Variants in COL17A1 observed in about 807,000 individuals in gnomAD.
The protein encoded by COL17A1 is collagen type XVII alpha 1 chain, also known as collagen alpha-1(XVII) chain.
Under a neutral mutation model 218.4 loss-of-function variants are expected in COL17A1, and 181 were observed. The ratio of observed to expected loss-of-function variants is 0.83; its 90% confidence interval spans 0.73 to 0.94. The LOEUF is 0.94. Among genes scored for constraint, COL17A1 ranks in the 40% least tolerant of loss-of-function variants. COL17A1 has a pLI of 0.00. For synonymous variants in COL17A1, 721 were observed against 731.0 expected (o/e 0.99, Z 0.22); for missense variants, 1,924 against 1,945.9 (o/e 0.99, Z 0.21).
intron 13 of COL17A1, among the ~76,000 whole-genome samples, chr10:104,061,157 G>A (rs922928132): frequency 1.3e-5 from 2 of 152,200 alleles, no homozygotes; most frequent in Non-Finnish European, 2.9e-5. Context: ...CCCTAGGCAG[G>A]TATGGAGGGT....
intron 17 of COL17A1, 125 bp from the exon 18 acceptor site, chr10:104,056,128 C>T (rs1169697650): frequency 2.6e-6 from 3 of 1,153,386 alleles, no homozygotes; most frequent in African/African-American, 1.5e-5. Context: ...TGCTAGAATA[C>T]TCATGCAGAG....
intron 23 of COL17A1, 36 bp from the exon 24 acceptor site, chr10:104,052,253 G>C (rs548070728): frequency 6.2e-7 from 1 of 1,613,754 alleles, no homozygotes; most frequent in South Asian, 1.1e-5. Flanking sequence ...CTTTGGGAGA[G>C]GCCCCAGTGT....
intron 24 of COL17A1, among the ~76,000 whole-genome samples, 199 bp downstream of exon 24, chr10:104,051,956 C>A (rs2134608699): frequency 6.6e-6 from 1 of 152,278 alleles, no homozygotes; most frequent in East Asian, 1.9e-4. Context: ...CATTATGGGG[C>A]TAAACTTACA....
In COL17A1 at chr10:104,060,243, G is replaced by A. The variant is rs763725483; in HGVS notation, c.1017C>T (p.His339=). The change falls in exon 14 of 56, where the codon CAC becomes CAT. Residue 339 remains histidine, a synonymous_variant. Coordinates refer to ENST00000648076, the MANE Select transcript of COL17A1 (RefSeq NM_000494.4). ...TTSVQSDDLL[H]KDCKFLILEK... ...CTAGGATCAGGAACTTGCAGTCCTT[G>A]TGCAAAAGGTCATCGCTCTGCACAC... 1.9e-6 allele frequency: 3 copies of A among 1,614,100 alleles called. No individual in the cohort carries two copies. In the East Asian group the frequency reaches 6.7e-5, roughly 36 times the overall value.
At chr10:104,073,593 C>T (rs898362559) in intron 6 of COL17A1, among the ~76,000 whole-genome samples, 1 of 152,154 alleles carries the variant, frequency 6.6e-6, no homozygotes, top group Admixed American at 6.5e-5. Context: ...CAAGTCTTCC[C>T]TTTGATTTTT....
rs1413314515 is a variant in COL17A1 at position 104,039,502 on chromosome 10, G to A, written c.2839C>T (p.Leu947Phe). The A allele has an allele frequency of 6.2e-7, 1 of 1,614,066 alleles. No homozygotes were observed. Among genetic ancestry groups the A allele is most frequent in the South Asian group, 1.1e-5 (1 of 91,076 alleles). Residue 947 changes from leucine (L) to phenylalanine (F), a missense_variant, in exon 43 of 56, where the codon CTC becomes TTC. Physicochemically the swap from Leu to Phe is conservative, Grantham distance 22. Transcript: ENST00000648076. ...FSTSGSSSFG[L>F]NLQGPPGPPG... Reference sequence around the variant, plus strand: ...GGGCCTGGTGGTCCCTGAAGGTTGAGTCCGAAAGAACTGGACCCTGGAAGC... The same window carrying A: ...GGGCCTGGTGGTCCCTGAAGGTTGAATCCGAAAGAACTGGACCCTGGAAGC...
At chr10:104,075,739 G>A (rs905964162) in intron 5 of COL17A1, among the ~76,000 whole-genome samples, 5 of 152,236 alleles carry the variant, frequency 3.3e-5, no homozygotes, top group African/African-American at 1.2e-4. Context: ...TTGCACGTAA[G>A]TACCACTGAA....
chr10:104,041,266 C>T, intron 38 of COL17A1, 37 bp downstream of exon 38: 3 of 1,599,034 alleles, frequency 1.9e-6, no homozygotes, highest in Non-Finnish European at 2.6e-6. Context: ...CCTCTCACCT[C>T]CCCCTCCCAC....
Position 104,041,069 on chromosome 10 carries a change from G to A in COL17A1, c.2697C>T (p.Asn899=). ...GACTTGACTCCCTGACATTACCTGA[G>A]TTGGACAGGAACGATCCTGGTGGGC... ...PPGPPGSFLS[N]SETFLSGPPG... Residue 899 remains asparagine, a synonymous_variant, in exon 39 of 56, where the codon AAC becomes AAT. Coordinates refer to ENST00000648076, the MANE Select transcript of COL17A1 (RefSeq NM_000494.4). The A allele has an allele frequency of 6.2e-7, 1 of 1,614,176 alleles. No individual in the cohort carries two copies. The highest frequency in any genetic ancestry group is 1.7e-5 in the Admixed American group (1 of 60,028).
intron 12 of COL17A1, 116 bp from the exon 13 acceptor site, chr10:104,061,589 G>T (rs1292888241): frequency 5.1e-5 from 41 of 804,940 alleles, no homozygotes; most frequent in Non-Finnish European, 8.2e-5. Flanking sequence ...AGCAGATGAT[G>T]AATCAACTCT....
At chr10:104,078,976 C>G (rs569776913) in intron 2 of COL17A1, among the ~76,000 whole-genome samples, 2 of 152,338 alleles carry the variant, frequency 1.3e-5, no homozygotes, top group East Asian at 3.9e-4. Flanking sequence ...CCCATGGTCT[C>G]TCAGTTCAGC....
At chr10:104,055,741 G>C (rs1284604568) in intron 18 of COL17A1, 41 bp downstream of exon 18, 1 of 1,610,570 alleles carries the variant, frequency 6.2e-7, no homozygotes, top group Non-Finnish European at 8.5e-7. Flanking sequence ...AAGAAGAAAG[G>C]GACTCAGGGG....
At position 104,064,465 on chromosome 10, in the gene COL17A1, T is replaced by G; in HGVS notation, c.739A>C (p.Asn247His). 6.2e-7 allele frequency: 1 copy of G among 1,614,114 alleles called. No individual in the cohort carries two copies. The highest frequency in any genetic ancestry group is 8.5e-7 in the Non-Finnish European group (1 of 1,180,014). ...GATCCCGCAGAGTAGGCATTGGTGT[T>G]GAGGAGGGATGAGCTCTGGGTTGTC... ...NMTTQSSSLLNTNAYSAGSVF... is the reference protein window; with the variant it reads ...NMTTQSSSLLHTNAYSAGSVF... The change falls in exon 10 of 56, where the codon AAC (asparagine) becomes CAC (histidine). Residue 247 changes from asparagine (N) to histidine (H), a missense_variant. Transcript: ENST00000648076.
chr10:104,055,219 A>AT, intron 19 of COL17A1, 153 bp downstream of exon 19: 1 of 1,475,050 alleles, frequency 6.8e-7, no homozygotes, highest in Non-Finnish European at 9.4e-7. Context: ...TTCTGACTCT[A>AT]AAACCAACAG....
chr10:104,059,959 G>A (rs1004112110), intron 14 of COL17A1, among the ~76,000 whole-genome samples, 160 bp downstream of exon 14: 3 of 152,124 alleles, frequency 2.0e-5, no homozygotes, highest in African/African-American at 7.2e-5. Context: ...TGCATTCAAG[G>A]CAGACCCTGG....
Position 104,055,353 on chromosome 10 carries a change from G to A in COL17A1, c.1717+19C>T. 1 of 1,611,830 alleles carries A rather than the reference G, an allele frequency of 6.2e-7. No individual in the cohort carries two copies. The highest frequency in any genetic ancestry group is 8.5e-7 in the Non-Finnish European group (1 of 1,178,892). On this transcript the variant is annotated intron_variant, in intron 19 of 55. Coordinates refer to ENST00000648076, the MANE Select transcript of COL17A1 (RefSeq NM_000494.4). ...CTGCAGGAAATGAATCAGAGACAAG[G>A]TTCAATCCATGGCAATACCTTTAGG... is the stretch of plus-strand genomic sequence containing the variant.
At position 104,035,387 on chromosome 10, in the gene COL17A1, G is replaced by C. The variant is rs746015518; in HGVS notation, c.3509-14C>G. 1.2e-6 allele frequency: 2 copies of C among 1,613,720 alleles called. No individual in the cohort carries two copies. The highest frequency in any genetic ancestry group is 1.7e-6 in the Non-Finnish European group (2 of 1,179,750). On this transcript the variant is annotated splice_polypyrimidine_tract_variant and intron_variant, in intron 49 of 55. Coordinates refer to ENST00000648076, the MANE Select transcript of COL17A1 (RefSeq NM_000494.4). ...TGAATTCAGACCCTGAGACACCAAG[G>C]GAGGGCACGGAGTCAGTCCTGGCCT...
At position 104,064,553 on chromosome 10, in the gene COL17A1, G is replaced by A; in HGVS notation, c.651C>T (p.Pro217=). 1 of 1,614,032 alleles carries A rather than the reference G, an allele frequency of 6.2e-7. No individual in the cohort carries two copies. Among genetic ancestry groups the A allele is most frequent in the Non-Finnish European group, 8.5e-7 (1 of 1,179,960 alleles). Residue 217 remains proline (P), a synonymous_variant, in exon 10 of 56, where the codon CCC becomes CCT. Coordinates refer to ENST00000648076, the MANE Select transcript of COL17A1 (RefSeq NM_000494.4). Reference sequence around the variant, plus strand: ...GCAGGGTGGAGGACCACACATGGGAGGGAAGGTTGGCATCCAGGATCGTTG... The same window carrying A: ...GCAGGGTGGAGGACCACACATGGGAAGGAAGGTTGGCATCCAGGATCGTTG... ...YDATILDANL[P]SHVWSSTLPA...
At chr10:104,052,339 G>A (rs1280507535) in intron 23 of COL17A1, 122 bp from the exon 24 acceptor site, 10 of 1,302,664 alleles carry the variant, frequency 7.7e-6, no homozygotes, top group Non-Finnish European at 2.2e-6. Flanking sequence ...TCCATTTGGT[G>A]CCCCAGTGAG....
Sources: gnomAD v4.1 joint callset for allele counts (sites outside exome capture counted in the v4.1 genomes callset) on GRCh38, gnomAD v4.1.1 for gene constraint, MANE v1.5 for transcripts, NCBI Gene and HGNC (gene_info 2026-07-23, HGNC 2026-07-21) for gene names.